SCN4B: variants seen among roughly 807,000 people sequenced by gnomAD.
SCN4B encodes sodium channel regulatory subunit beta-4.
Under a neutral mutation model 19.6 loss-of-function variants are expected in SCN4B, and 20 were observed. That is an observed-to-expected ratio of 1.02 (90% CI 0.72 to 1.48). SCN4B has a LOEUF of 1.48. SCN4B is among the 40% of genes most tolerant of loss of function. SCN4B has a pLI of 0.00. For missense variants in SCN4B, 271 were observed against 287.5 expected (o/e 0.94, Z 0.42); for synonymous variants, 127 against 122.8 (o/e 1.03, Z -0.22).
Position 118,144,008 on chromosome 11 carries a change from T to C in SCN4B, c.288A>G (p.Lys96=). The change falls in exon 3 of 5, where the codon AAA becomes AAG. Residue 96 remains lysine (K), a synonymous_variant. Transcript: ENST00000324727. ...NEKSDPKVTL[K]DDDRITLVGS... Reference sequence around the variant, plus strand: ...CTACCAGAGTGATGCGGTCATCGTCTTTCAACGTCACCTTGGGGTCAGACT... The same window carrying C: ...CTACCAGAGTGATGCGGTCATCGTCCTTCAACGTCACCTTGGGGTCAGACT... The C allele has an allele frequency of 6.2e-7, 1 of 1,614,222 alleles. No homozygotes were observed. Among genetic ancestry groups the C allele is most frequent in the Non-Finnish European group, 8.5e-7 (1 of 1,180,026 alleles).
chr11:118,139,251 T>G (rs770634250), intron 4 of SCN4B, among the ~76,000 whole-genome samples: 2 of 152,102 alleles, frequency 1.3e-5, no homozygotes, highest in Admixed American at 6.5e-5. Flanking sequence ...CCAGACTCTC[T>G]GCCTTGGCTC....
At chr11:118,152,497 C>T in intron 1 of SCN4B, 116 bp downstream of exon 1, 1 of 884,070 alleles carries the variant, frequency 1.1e-6, no homozygotes, top group Non-Finnish European at 1.8e-6. Context: ...GGCCACCATC[C>T]TCATTCCGTG....
chr11:118,141,967 C>T (rs565837466), intron 3 of SCN4B: 1 of 153,698 alleles, frequency 6.5e-6, no homozygotes, highest in South Asian at 2.0e-4. Context: ...AACCACAATC[C>T]TTGGAGTCTT....
intron 1 of SCN4B, among the ~76,000 whole-genome samples, chr11:118,146,650 G>T (rs1715443): frequency 0.57 from 86,957 of 151,952 alleles, 25,120 homozygotes; most frequent in Middle Eastern, 0.68. Flanking sequence ...AAAGTGAAGT[G>T]CTTATATCCC....
Position 118,135,137 on chromosome 11 carries a change from G to A in SCN4B, c.*1890C>T, listed in dbSNP as rs749726877. 1 of 454,116 alleles carries A rather than the reference G, an allele frequency of 2.2e-6. No individual in the cohort carries two copies. Among genetic ancestry groups the A allele is most frequent in the South Asian group, 1.6e-5 (1 of 64,474 alleles). 28.1% of individuals were successfully genotyped at this position (454,116 alleles called of 1,614,324 possible). ...TCTGAATGGCTGGTGGCTCTGGTCT[G>A]TCTGCTCCCAAAGCCAGGAAAATCT... On this transcript the variant is annotated 3_prime_UTR_variant, in exon 5 of 5. Coordinates refer to ENST00000324727, the MANE Select transcript of SCN4B (RefSeq NM_174934.4).
intron 4 of SCN4B, among the ~76,000 whole-genome samples, chr11:118,137,437 G>A (rs1270703093): frequency 3.3e-5 from 5 of 152,162 alleles, no homozygotes; most frequent in Non-Finnish European, 5.9e-5. Flanking sequence ...TTGGGAGGCC[G>A]AGGCAGGCAG....
chr11:118,143,563 C>G lies in SCN4B; in HGVS notation c.463+270G>C, dbSNP rs7124973. 0.034 allele frequency among the ~76,000 whole-genome samples: 5,124 copies of G among 152,292 alleles called. 201 individuals are homozygous for G. The highest frequency in any genetic ancestry group is 0.096 in the African/African-American group (3,997 of 41,530). The stretch of plus-strand genomic sequence containing the variant: ...CACAAAACACTACCAGGTAGCTTCT[C>G]TAACCACAACTCTAGGAAAATGAAG... On this transcript the variant is annotated intron_variant, in intron 3 of 4. Transcript: ENST00000324727.
chr11:118,136,319 C>T lies in SCN4B; in HGVS notation c.*708G>A, dbSNP rs1043629198. 8.8e-6 allele frequency: 4 copies of T among 453,776 alleles called. No homozygotes were observed. The highest frequency in any genetic ancestry group is 6.8e-4 in the Middle Eastern group (1 of 1,466). The allele number at this position is 453,776 out of a possible 1,614,324, so 28.1% of individuals were successfully genotyped here. A position where few individuals can be genotyped will look rare whatever the true frequency, so the allele number is the denominator to read the frequency against. On this transcript the variant is annotated 3_prime_UTR_variant, in exon 5 of 5. Transcript: ENST00000324727. The stretch of plus-strand genomic sequence containing the variant: ...GGCTCGAGGGGCCCCTTCCTGAGCC[C>T]CTCAGTAACCCAGAGAGCAGAGGAG...
chr11:118,151,128 A>ATG (rs1948229687), intron 1 of SCN4B, among the ~76,000 whole-genome samples: 2 of 44,010 alleles, frequency 4.5e-5, no homozygotes, highest in African/African-American at 2.0e-4. Context: ...ACGTGCACAC[A>ATG]CACACACACA....
intron 1 of SCN4B, chr11:118,145,547 C>A: frequency 1.7e-6 from 2 of 1,173,042 alleles, no homozygotes; most frequent in Non-Finnish European, 2.2e-6. Flanking sequence ...CGGCTCCGCC[C>A]CTCACCTGGG....
intron 4 of SCN4B, among the ~76,000 whole-genome samples, chr11:118,137,603 G>T (rs576931610): frequency 6.6e-6 from 1 of 152,164 alleles, no homozygotes; most frequent in Admixed American, 6.5e-5. Flanking sequence ...CCTGGGAGGC[G>T]GAGGTTGCAG....
intron 2 of SCN4B, 43 bp from the exon 3 acceptor site, chr11:118,144,104 G>C: frequency 7.3e-7 from 1 of 1,362,830 alleles, no homozygotes; most frequent in Non-Finnish European, 1.0e-6. Flanking sequence ...AGCCGAGAAA[G>C]AATCGGGGTC....
Position 118,135,029 on chromosome 11 carries a change from C to T in SCN4B, c.*1998G>A. ...TTTCTCTTAAGACAGAAGGAGGAGC[C>T]CCAAGGTGCTCTGCCTCTTCAAATG... On this transcript the variant is annotated 3_prime_UTR_variant, in exon 5 of 5. Coordinates refer to ENST00000324727, the MANE Select transcript of SCN4B (RefSeq NM_174934.4). 2.2e-6 allele frequency: 1 copy of T among 454,038 alleles called. No individual in the cohort carries two copies. The highest frequency in any genetic ancestry group is 1.6e-5 in the South Asian group (1 of 64,468). 28.1% of individuals were successfully genotyped at this position (454,038 alleles called of 1,614,324 possible). A position where few individuals can be genotyped will look rare whatever the true frequency, so the allele number is the denominator to read the frequency against.
chr11:118,152,720 T>C lies in SCN4B; in HGVS notation c.-47A>G. The C allele has an allele frequency of 1.3e-6, 2 of 1,486,136 alleles. No individual in the cohort carries two copies. Among genetic ancestry groups the C allele is most frequent in the Non-Finnish European group, 1.8e-6 (2 of 1,083,076 alleles). The allele number at this position is 1,486,136 out of a possible 1,614,324, so 92.1% of individuals were successfully genotyped here. The stretch of plus-strand genomic sequence containing the variant: ...CGCGGGGGTCGCGGGGATGGGATAC[T>C]GGGCACAGCCGCGCTCTCCGCCCGA... On this transcript the variant is annotated 5_prime_UTR_variant, in exon 1 of 5. Transcript: ENST00000324727.
chr11:118,144,080 T>C lies in SCN4B; in HGVS notation c.235-19A>G. 6.4e-7 allele frequency: 1 copy of C among 1,559,460 alleles called. No homozygotes were observed. The highest frequency in any genetic ancestry group is 1.1e-5 in the South Asian group (1 of 90,058). On this transcript the variant is annotated intron_variant, in intron 2 of 4. Transcript: ENST00000324727. ...CTATGAGCTGGTGGAGGAAGGGAGT[T>C]GGGGTGAGAAAGTAGCCGAGAAAGA...
At chr11:118,145,916 G>C (rs1948167948) in intron 1 of SCN4B, among the ~76,000 whole-genome samples, 1 of 152,192 alleles carries the variant, frequency 6.6e-6, no homozygotes, top group South Asian at 2.1e-4. Context: ...GCAGGAAGAC[G>C]GCCTGGCAGG....
Position 118,134,365 on chromosome 11 carries a change from T to A in SCN4B, c.*2662A>T. On this transcript the variant is annotated 3_prime_UTR_variant, in exon 5 of 5. Transcript: ENST00000324727. ...AGCCCACAAGCCCTGGAAGCCACCA[T>A]CAGAGATTTGCATGCACTGAGGTTC... is the stretch of plus-strand genomic sequence containing the variant. 2.2e-6 allele frequency: 1 copy of A among 454,100 alleles called. No homozygotes were observed. Among genetic ancestry groups the A allele is most frequent in the Non-Finnish European group, 4.4e-6 (1 of 226,750 alleles). 28.1% of individuals were successfully genotyped at this position (454,100 alleles called of 1,614,324 possible).
intron 4 of SCN4B, 23 bp from the exon 5 acceptor site, chr11:118,137,143 C>G: frequency 4.5e-6 from 7 of 1,558,200 alleles, no homozygotes; most frequent in Non-Finnish European, 4.4e-6. Context: ...AGAGAAGGGA[C>G]AGTGGTGAGG....
rs1399540420 is a variant in SCN4B at position 118,135,055 on chromosome 11, T to A, written c.*1972A>T. ...CCAAGGTGCTCTGCCTCTTCAAATG[T>A]CACCATTGAGAAGGAAGAAGAAAAC... is the stretch of plus-strand genomic sequence containing the variant. On this transcript the variant is annotated 3_prime_UTR_variant, in exon 5 of 5. Transcript: ENST00000324727. 4.4e-6 allele frequency: 2 copies of A among 453,970 alleles called. No homozygotes were observed. The highest frequency in any genetic ancestry group is 8.8e-6 in the Non-Finnish European group (2 of 226,794). The allele number at this position is 453,970 out of a possible 1,614,324, so 28.1% of individuals were successfully genotyped here.
Sources: allele counts gnomAD v4.1 joint callset (sites outside exome capture counted in the v4.1 genomes callset), GRCh38; gene constraint gnomAD v4.1.1; transcripts MANE v1.5; gene names NCBI Gene and HGNC (gene_info 2026-07-23, HGNC 2026-07-21).